Variants in SLC25A27 observed in about 807,000 individuals in gnomAD.
SLC25A27 encodes the protein mitochondrial uncoupling protein 4.
Under a neutral mutation model 49.1 loss-of-function variants are expected in SLC25A27, and 35 were observed. The observed-to-expected ratio is 0.71, with a 90% CI of 0.54 to 0.95. The LOEUF is 0.95. Ranked by LOEUF, SLC25A27 falls within the 40% of genes least tolerant of loss-of-function variation. The probability of loss-of-function intolerance (pLI) is 0.00; values close to 1 mark genes in which losing one functional copy is unlikely to be tolerated. For missense variants in SLC25A27, 339 were observed against 397.1 expected, an observed-to-expected ratio of 0.85 and a Z score of 1.24; for synonymous variants, 144 against 136.9, an observed-to-expected ratio of 1.05 and a Z score of -0.36.
chr6:46,661,164 G>C (rs930537034), intron 3 of SLC25A27, among the ~76,000 whole-genome samples: 1 of 152,172 alleles, frequency 6.6e-6, no homozygotes, highest in Non-Finnish European at 1.5e-5. Context: ...GAGATGCAAA[G>C]AGAAAAAATA....
At chr6:46,660,654 G>GAAACCA (rs1313263199) in intron 3 of SLC25A27, among the ~76,000 whole-genome samples, 1 of 152,010 alleles carries the variant, frequency 6.6e-6, no homozygotes, top group Non-Finnish European at 1.5e-5. Flanking sequence ...AGCATGAGGT[G>GAAACCA]GGTTTCATAT....
intron 3 of SLC25A27, among the ~76,000 whole-genome samples, chr6:46,661,791 C>T (rs1357715584): frequency 1.3e-5 from 2 of 152,132 alleles, no homozygotes; most frequent in African/African-American, 4.8e-5. Context: ...TTAAAATGCT[C>T]AGAACAGTGC....
chr6:46,677,763 G>A lies in SLC25A27; in HGVS notation c.*1309G>A, dbSNP rs1324710370. On this transcript the variant is annotated 3_prime_UTR_variant, in exon 9 of 9. Transcript: ENST00000371347. ...AAGCTCAGGCCCAAGAAAGGCCTTGGAGCCAGCCAAACAGAATTTGTTCTA... is the reference window on the plus strand; with the variant it reads ...AAGCTCAGGCCCAAGAAAGGCCTTGAAGCCAGCCAAACAGAATTTGTTCTA... The A allele has an allele frequency of 6.6e-6, 1 of 152,486 alleles. No individual in the cohort carries two copies. Among genetic ancestry groups the A allele is most frequent in the Non-Finnish European group, 1.5e-5 (1 of 68,014 alleles). 9.4% of individuals were successfully genotyped at this position (152,486 alleles called of 1,614,324 possible). A position where few individuals can be genotyped will look rare whatever the true frequency, so the allele number is the denominator to read the frequency against.
intron 8 of SLC25A27, among the ~76,000 whole-genome samples, chr6:46,672,981 G>A (rs756578528): frequency 1.2e-4 from 19 of 152,174 alleles, no homozygotes; most frequent in Non-Finnish European, 2.2e-4. Flanking sequence ...TTATTTTGGT[G>A]GTTTTGATTA....
rs755992198 is a variant in SLC25A27 at position 46,664,847 on chromosome 6, G to A, written c.580G>A (p.Val194Ile). 3 of 1,607,068 alleles carry A rather than the reference G, an allele frequency of 1.9e-6. No homozygotes were observed. The highest frequency in any genetic ancestry group is 1.7e-5 in the Admixed American group (1 of 59,220). ...AATACGAGGGCTTTGGGCAGGCTGG[G>A]TACCCAATATACAAAGAGCAGCACT... ...GGIRGLWAGWVPNIQRAALVN... is the reference protein window; with the variant it reads ...GGIRGLWAGWIPNIQRAALVN... The change falls in exon 5 of 9, where the codon GTA (valine) becomes ATA (isoleucine). Residue 194 changes from valine to isoleucine, a missense_variant. Val to Ile is a conservative substitution (Grantham distance 29). Transcript: ENST00000371347.
At chr6:46,668,881 T>C in intron 6 of SLC25A27, 88 bp downstream of exon 6, 2 of 792,898 alleles carry the variant, frequency 2.5e-6, no homozygotes, top group South Asian at 3.1e-5. Context: ...GCTCATTTGA[T>C]TGGGATTGTA....
intron 8 of SLC25A27, 84 bp downstream of exon 8, chr6:46,671,312 G>T: frequency 5.3e-6 from 4 of 758,510 alleles, no homozygotes; most frequent in Admixed American, 3.3e-5. Flanking sequence ...TTTCTCTTCT[G>T]GTTTGAAGCA....
At chr6:46,655,314 T>C (rs1456450999) in intron 1 of SLC25A27, among the ~76,000 whole-genome samples, 3 of 152,160 alleles carry the variant, frequency 2.0e-5, no homozygotes, top group Admixed American at 2.0e-4. Flanking sequence ...TTCAGCTTCA[T>C]CTAGCATTTG....
chr6:46,658,873 C>A, intron 2 of SLC25A27, 89 bp from the exon 3 acceptor site: 1 of 907,684 alleles, frequency 1.1e-6, no homozygotes, highest in Non-Finnish European at 1.9e-6. Flanking sequence ...TTGACTAGGC[C>A]ATGTCGGAAT....
intron 7 of SLC25A27, 21 bp downstream of exon 7, chr6:46,670,248 A>G: frequency 6.8e-7 from 1 of 1,478,918 alleles, no homozygotes; most frequent in Non-Finnish European, 9.4e-7. Flanking sequence ...AGTCTTCAGT[A>G]TCCATGTGCT....
At position 46,676,414 on chromosome 6, in the gene SLC25A27, A is replaced by T; in HGVS notation, c.932A>T (p.Tyr311Phe). The change falls in exon 9 of 9, where the codon TAT becomes TTT. Residue 311 changes from tyrosine to phenylalanine, a missense_variant. Tyr to Phe is a conservative substitution (Grantham distance 22). Transcript: ENST00000371347. ...TPWSMVFWLTYEKIREMSGVS... is the reference protein window; with the variant it reads ...TPWSMVFWLTFEKIREMSGVS... ...TGGTCAATGGTGTTCTGGCTTACTTATGAAAAAATCAGAGAGATGAGTGGA... is the reference window on the plus strand; with the variant it reads ...TGGTCAATGGTGTTCTGGCTTACTTTTGAAAAAATCAGAGAGATGAGTGGA... 1.9e-6 allele frequency: 3 copies of T among 1,614,030 alleles called. No homozygotes were observed. Among genetic ancestry groups the T allele is most frequent in the Non-Finnish European group, 2.5e-6 (3 of 1,179,912 alleles).
chr6:46,671,047 A>C (rs1210846446), intron 7 of SLC25A27, 79 bp from the exon 8 acceptor site: 1 of 1,019,646 alleles, frequency 9.8e-7, no homozygotes, highest in East Asian at 2.8e-5. Flanking sequence ...AATTTTTATA[A>C]GATTCCTTAG....
Position 46,664,906 on chromosome 6 carries a change from A to G in SLC25A27, c.619+20A>G. 1 of 1,393,188 alleles carries G rather than the reference A, an allele frequency of 7.2e-7. No homozygotes were observed. The highest frequency in any genetic ancestry group is 9.9e-7 in the Non-Finnish European group (1 of 1,009,908). The allele number at this position is 1,393,188 out of a possible 1,614,324, so 86.3% of individuals were successfully genotyped here. ...TGGGAGGTAATGAAAACTTTGTTAA[A>G]TTCTAAAAAGTCCTAATTGCCTTAA... On this transcript the variant is annotated intron_variant, in intron 5 of 8. Coordinates refer to ENST00000371347, the MANE Select transcript of SLC25A27 (RefSeq NM_004277.5).
At position 46,662,412 on chromosome 6, in the gene SLC25A27, T is replaced by C. The variant is rs377141251; in HGVS notation, c.420T>C (p.Ile140=). The C allele has an allele frequency of 7.3e-5, 118 of 1,613,762 alleles. No homozygotes were observed. The highest frequency in any genetic ancestry group is 9.7e-5 in the Non-Finnish European group (115 of 1,179,756). Residue 140 remains isoleucine (I), a synonymous_variant, in exon 4 of 9, where the codon ATT becomes ATC. Coordinates refer to ENST00000371347, the MANE Select transcript of SLC25A27 (RefSeq NM_004277.5). ...TTGGAGGGATGATGGCTGGTGTTAT[T>C]GGCCAGTTTTTAGCCAATCCAACTG... ...SVIGGMMAGV[I]GQFLANPTDL...
intron 8 of SLC25A27, among the ~76,000 whole-genome samples, chr6:46,672,089 T>C (rs1582516598): frequency 6.6e-6 from 1 of 152,058 alleles, no homozygotes; most frequent in Non-Finnish European, 1.5e-5. Flanking sequence ...CATAATGCTA[T>C]GGAAATATAT....
At chr6:46,674,338 T>C (rs1763679569) in intron 8 of SLC25A27, among the ~76,000 whole-genome samples, 1 of 152,174 alleles carries the variant, frequency 6.6e-6, no homozygotes, top group South Asian at 2.1e-4. Context: ...TTGCCCAAGT[T>C]CATGTAGCTA....
chr6:46,653,134 G>C lies in SLC25A27; in HGVS notation c.-59G>C. Reference sequence around the variant, plus strand: ...CCGCCCTGGCAGGGAAGCGGCCGCCGCGGCGCGGTGCAGCGCAGCGGCGAG... The same window carrying C: ...CCGCCCTGGCAGGGAAGCGGCCGCCCCGGCGCGGTGCAGCGCAGCGGCGAG... On this transcript the variant is annotated 5_prime_UTR_variant, in exon 1 of 9. Coordinates refer to ENST00000371347, the MANE Select transcript of SLC25A27 (RefSeq NM_004277.5). 1 of 1,524,742 alleles carries C rather than the reference G, an allele frequency of 6.6e-7. No individual in the cohort carries two copies. The highest frequency in any genetic ancestry group is 1.4e-5 in the African/African-American group (1 of 73,206). 94.5% of individuals were successfully genotyped at this position (1,524,742 alleles called of 1,614,324 possible).
In SLC25A27 at chr6:46,653,155, G is replaced by A; in HGVS notation, c.-38G>A. On this transcript the variant is annotated 5_prime_UTR_variant, in exon 1 of 9. Coordinates refer to ENST00000371347, the MANE Select transcript of SLC25A27 (RefSeq NM_004277.5). The stretch of plus-strand genomic sequence containing the variant: ...CGCCGCGGCGCGGTGCAGCGCAGCG[G>A]CGAGAAGGAGTGCGTTATCGTCTTG... 1 of 1,577,202 alleles carries A rather than the reference G, an allele frequency of 6.3e-7. No homozygotes were observed. The highest frequency in any genetic ancestry group is 8.7e-7 in the Non-Finnish European group (1 of 1,151,008).
rs1008898239 is a variant in SLC25A27 at position 46,670,773 on chromosome 6, GTC to G, written c.798-348_798-347del. Among the ~76,000 whole-genome samples the G allele has an allele frequency of 2.6e-5, 4 of 152,042 alleles. No individual in the cohort carries two copies. The South Asian group carries it at 6.2e-4, about 24-fold the overall frequency. ...TTTTTTTGAGACAGAGTCTCACTCT[GTC>G]TCTCAGGCTGGAGTGCAGTGGCGTG... On this transcript the variant is annotated intron_variant, in intron 7 of 8. Coordinates refer to ENST00000371347, the MANE Select transcript of SLC25A27 (RefSeq NM_004277.5).
Sources: allele counts gnomAD v4.1 joint callset (sites outside exome capture counted in the v4.1 genomes callset), GRCh38; gene constraint gnomAD v4.1.1; transcripts MANE v1.5; gene names NCBI Gene and HGNC (gene_info 2026-07-23, HGNC 2026-07-21).